The following GPA33 variants were observed in gnomAD, a reference collection of about 807,000 sequenced individuals.
The protein encoded by GPA33 is glycoprotein A33, also known as cell surface A33 antigen.
GPA33 carries 27 observed loss-of-function variants against 35.6 expected under a neutral mutation model. That is an observed-to-expected ratio of 0.76 (90% CI 0.56 to 1.04). The LOEUF is 1.04. Among genes scored for constraint, GPA33 ranks in the 50% least tolerant of loss-of-function variants. The pLI is 0.00. For synonymous variants in GPA33, 176 were observed against 164.0 expected, an observed-to-expected ratio of 1.07 and a Z score of -0.56; for missense variants, 428 against 411.9, an observed-to-expected ratio of 1.04 and a Z score of -0.34.
chr1:167,063,068 C>T (rs567614356), intron 4 of GPA33, among the ~76,000 whole-genome samples: 3 of 152,340 alleles, frequency 2.0e-5, no homozygotes, highest in East Asian at 3.9e-4. Context: ...CCACGGCTTC[C>T]GCTACGCGCT....
chr1:167,056,745 GGTGTGTGTATGGC>G (rs1666293988), intron 4 of GPA33, among the ~76,000 whole-genome samples: 2 of 5,440 alleles, frequency 3.7e-4, no homozygotes, highest in Non-Finnish European at 8.3e-4. Context: ...TGGTGTGTGT[GGTGTGTGTATGGC>G]GTGTGTGTGG....
At chr1:167,076,460 C>T (rs543883919) in intron 1 of GPA33, among the ~76,000 whole-genome samples, 6 of 152,184 alleles carry the variant, frequency 3.9e-5, no homozygotes, top group African/African-American at 4.8e-5. Flanking sequence ...ACCGTCCCCC[C>T]GCCCAGCTGG....
At chr1:167,064,035 G>T (rs1666530703) in intron 3 of GPA33, among the ~76,000 whole-genome samples, 1 of 152,154 alleles carries the variant, frequency 6.6e-6, no homozygotes, top group African/African-American at 2.4e-5. Flanking sequence ...GGATTTTAAA[G>T]ATAGCGGAAC....
intron 1 of GPA33, chr1:167,082,414 T>G: frequency 2.4e-6 from 1 of 417,490 alleles, no homozygotes; most frequent in South Asian, 1.8e-5. Flanking sequence ...CACCTAACAC[T>G]GGAAGATGAG....
intron 4 of GPA33, among the ~76,000 whole-genome samples, chr1:167,060,211 T>C (rs1159428927): frequency 6.6e-6 from 1 of 152,202 alleles, no homozygotes; most frequent in African/African-American, 2.4e-5. Flanking sequence ...TAGCTGGGAC[T>C]ACAGGCACAC....
intron 2 of GPA33, among the ~76,000 whole-genome samples, chr1:167,071,492 G>A (rs1317067427): frequency 6.6e-6 from 1 of 152,182 alleles, no homozygotes; most frequent in Non-Finnish European, 1.5e-5. Context: ...TACATGGCTT[G>A]GCTAATGAAG....
At chr1:167,087,134 G>C (rs769367487) in intron 1 of GPA33, among the ~76,000 whole-genome samples, 2 of 152,148 alleles carry the variant, frequency 1.3e-5, no homozygotes, top group Admixed American at 1.3e-4. Flanking sequence ...AGGGGGCAGC[G>C]CATGGCGGCT....
intron 1 of GPA33, among the ~76,000 whole-genome samples, chr1:167,087,611 G>A (rs760661988): frequency 1.3e-5 from 2 of 152,094 alleles, no homozygotes; most frequent in Non-Finnish European, 2.9e-5. Flanking sequence ...GTTTAGAATT[G>A]TCAGCACATG....
chr1:167,071,162 A>C (rs536037680), intron 2 of GPA33, among the ~76,000 whole-genome samples: 1 of 152,280 alleles, frequency 6.6e-6, no homozygotes, highest in East Asian at 1.9e-4. Context: ...AAGTTACTTC[A>C]TTTGAAGGGT....
chr1:167,066,538 A>C (rs1666595570), intron 3 of GPA33, among the ~76,000 whole-genome samples: 1 of 152,078 alleles, frequency 6.6e-6, no homozygotes, highest in African/African-American at 2.4e-5. Context: ...ATCCCTCACT[A>C]AGGTCTCTCC....
At chr1:167,056,796 T>A (rs1337589016) in intron 4 of GPA33, among the ~76,000 whole-genome samples, 163 of 1,294 alleles carry the variant, frequency 0.13, 1 homozygote, top group East Asian at 0.25. Context: ...GTGTGGTGCG[T>A]GTGGTGTGGT....
rs185923776 is a variant in GPA33, at chr1:167,066,042, C to A, written c.416-2305G>T. Among the ~76,000 whole-genome samples the A allele has an allele frequency of 2.0e-5, 3 of 152,164 alleles. 1 individual carries two copies. The South Asian group carries it at 6.2e-4, about 31-fold the overall frequency. ...TTATCTCTTGAGCTTTTCAGAGGTA[C>A]GGGAGCATCCCTCTCCACGCATCCA... On this transcript the variant is annotated intron_variant, in intron 3 of 6. Transcript: ENST00000367868.
At chr1:167,068,744 A>G (rs1666651943) in intron 3 of GPA33, among the ~76,000 whole-genome samples, 178 bp downstream of exon 3, 1 of 152,196 alleles carries the variant, frequency 6.6e-6, no homozygotes, top group South Asian at 2.1e-4. Context: ...AGAACTCAGA[A>G]TAGTGTTTAG....
Position 167,061,521 on chromosome 1 carries a change from A to T in GPA33, c.571+2061T>A, listed in dbSNP as rs980403329. On this transcript the variant is annotated intron_variant, in intron 4 of 6. Transcript: ENST00000367868. ...ACCAGAAATACGTAAACACAACTGG[A>T]AGCTTGTTGAAAACCTACATTACAT... 2.6e-5 allele frequency among the ~76,000 whole-genome samples: 4 copies of T among 151,494 alleles called. No individual in the cohort carries two copies. The East Asian group carries it at 7.8e-4, about 29-fold the overall frequency.
chr1:167,062,093 A>G lies in GPA33; in HGVS notation c.571+1489T>C, dbSNP rs539274136. 1.4e-3 allele frequency among the ~76,000 whole-genome samples: 212 copies of G among 151,830 alleles called. 2 individuals are homozygous for G. Among genetic ancestry groups the G allele is most frequent in the African/African-American group, 4.6e-3 (192 of 41,406 alleles). ...ACCTCTGGCCTCCTTTTCCACCTACACTGAACTGAAAGACCTCCCAGAAGC... is the reference window on the plus strand; with the variant it reads ...ACCTCTGGCCTCCTTTTCCACCTACGCTGAACTGAAAGACCTCCCAGAAGC... On this transcript the variant is annotated intron_variant, in intron 4 of 6. Coordinates refer to ENST00000367868, the MANE Select transcript of GPA33 (RefSeq NM_005814.3).
intron 1 of GPA33, among the ~76,000 whole-genome samples, chr1:167,089,774 G>T (rs1460232499): frequency 6.6e-6 from 1 of 152,108 alleles, no homozygotes; most frequent in Non-Finnish European, 1.5e-5. Flanking sequence ...TTTAGGGTTT[G>T]AATCTTCTCT....
intron 1 of GPA33, among the ~76,000 whole-genome samples, chr1:167,075,653 C>A (rs1666809549): frequency 6.6e-6 from 1 of 152,100 alleles, no homozygotes; most frequent in Non-Finnish European, 1.5e-5. Context: ...GCCACAGAGG[C>A]ACGGAATGGA....
At chr1:167,081,713 C>A (rs892333397) in intron 1 of GPA33, among the ~76,000 whole-genome samples, 2 of 152,204 alleles carry the variant, frequency 1.3e-5, no homozygotes, top group Non-Finnish European at 2.9e-5. Context: ...CCACTTCGGG[C>A]AGATGTATCC....
chr1:167,055,253 C>G (rs1002459273), intron 5 of GPA33, 142 bp from the exon 6 acceptor site: 3 of 745,874 alleles, frequency 4.0e-6, no homozygotes, highest in Non-Finnish European at 6.6e-6. Context: ...CAGCCATGGC[C>G]CAGGAATATT....
Sources: gnomAD v4.1 joint callset for allele counts (sites outside exome capture counted in the v4.1 genomes callset) on GRCh38, gnomAD v4.1.1 for gene constraint, MANE v1.5 for transcripts, NCBI Gene and HGNC (gene_info 2026-07-23, HGNC 2026-07-21) for gene names.